Variants in PDE9A observed in about 807,000 individuals in gnomAD.
The protein encoded by PDE9A is phosphodiesterase 9A, also known as high affinity cGMP-specific 3',5'-cyclic phosphodiesterase 9A.
Under a neutral mutation model 87.4 loss-of-function variants are expected in PDE9A, and 60 were observed. That is an observed-to-expected ratio of 0.69 (90% CI 0.56 to 0.85). PDE9A has a LOEUF of 0.85. Ranked by LOEUF, PDE9A falls within the 40% of genes least tolerant of loss-of-function variation. The probability of loss-of-function intolerance (pLI) is 0.00; values close to 1 mark genes in which losing one functional copy is unlikely to be tolerated. For synonymous variants in PDE9A, 272 were observed against 279.4 expected (o/e 0.97, Z 0.27); for missense variants, 665 against 779.0 (o/e 0.85, Z 1.74).
At chr21:42,685,957 G>A (rs1227965128) in intron 1 of PDE9A, among the ~76,000 whole-genome samples, 2 of 152,178 alleles carry the variant, frequency 1.3e-5, no homozygotes, top group Admixed American at 6.5e-5. Context: ...GGGCAAGGGG[G>A]CATCGCTGTA....
At chr21:42,773,919 ACG>A (rs1356859942) in intron 19 of PDE9A, among the ~76,000 whole-genome samples, 1 of 150,858 alleles carries the variant, frequency 6.6e-6, no homozygotes, top group East Asian at 2.0e-4. Context: ...CCTGGCTAAC[ACG>A]GTGAAACCCT....
chr21:42,673,183 T>C (rs952335906), intron 1 of PDE9A, among the ~76,000 whole-genome samples: 3 of 152,164 alleles, frequency 2.0e-5, no homozygotes, highest in African/African-American at 2.4e-5. Flanking sequence ...TTAAGAAATC[T>C]TCCCTGGGTC....
At chr21:42,662,568 C>T (rs901372205) in intron 1 of PDE9A, among the ~76,000 whole-genome samples, 3 of 147,588 alleles carry the variant, frequency 2.0e-5, no homozygotes, top group African/African-American at 7.5e-5. Context: ...CACACAAGCA[C>T]ACCACACACA....
At chr21:42,752,069 T>C (rs946521345) in intron 9 of PDE9A, among the ~76,000 whole-genome samples, 3 of 152,088 alleles carry the variant, frequency 2.0e-5, no homozygotes, top group Non-Finnish European at 2.9e-5. Flanking sequence ...GCTCTCATGC[T>C]AAGATTCAGG....
chr21:42,740,633 A>G (rs148413174), intron 7 of PDE9A, among the ~76,000 whole-genome samples: 8 of 47,152 alleles, frequency 1.7e-4, no homozygotes, highest in African/African-American at 5.5e-4. Flanking sequence ...ATGAATGGAT[A>G]CATAGATGAA....
At chr21:42,708,599 G>C (rs1409728516) in intron 4 of PDE9A, among the ~76,000 whole-genome samples, 1 of 152,180 alleles carries the variant, frequency 6.6e-6, no homozygotes, top group Non-Finnish European at 1.5e-5. Context: ...TTGTTGCCGA[G>C]GCTGGAGTGC....
At chr21:42,714,016 A>AT (rs11403559) in intron 4 of PDE9A, among the ~76,000 whole-genome samples, 47,095 of 89,828 alleles carry the variant, frequency 0.52, 15,525 homozygotes, top group East Asian at 0.89. Flanking sequence ...TTTCATTCCA[A>AT]TTTTTTTTTT....
intron 8 of PDE9A, among the ~76,000 whole-genome samples, chr21:42,746,568 C>G (rs1404653340): frequency 1.3e-5 from 2 of 152,258 alleles, no homozygotes; most frequent in Non-Finnish European, 2.9e-5. Context: ...TCCAGGATGA[C>G]ATCCCCTTAA....
At chr21:42,751,403 C>T (rs544112394) in intron 9 of PDE9A, among the ~76,000 whole-genome samples, 1 of 152,376 alleles carries the variant, frequency 6.6e-6, no homozygotes, top group South Asian at 2.1e-4. Context: ...CCAGACCATA[C>T]CTTCCCCTGC....
At chr21:42,717,115 C>T (rs1749882021) in intron 4 of PDE9A, among the ~76,000 whole-genome samples, 1 of 151,378 alleles carries the variant, frequency 6.6e-6, no homozygotes, top group Admixed American at 6.6e-5. Context: ...AAATAAACTT[C>T]CAGATAGTTT....
chr21:42,730,297 A>G (rs1259526212), intron 4 of PDE9A, among the ~76,000 whole-genome samples: 1 of 152,236 alleles, frequency 6.6e-6, no homozygotes, highest in African/African-American at 2.4e-5. Context: ...TTCAAGAAAT[A>G]TAACAAAACA....
chr21:42,717,983 G>A (rs958347944), intron 4 of PDE9A, among the ~76,000 whole-genome samples: 3 of 151,336 alleles, frequency 2.0e-5, no homozygotes, highest in East Asian at 1.9e-4. Context: ...GCAGTGGTGC[G>A]ATCTCGGCTC....
Position 42,700,507 on chromosome 21 carries a change from G to A in PDE9A, c.262+1496G>A, listed in dbSNP as rs576461107. On this transcript the variant is annotated intron_variant, in intron 4 of 19. Transcript: ENST00000291539. ...TGGGTTTGTCTGACGTTTCTCTCAC[G>A]ACCAGCCTGGGTGTGGTGGGTTTTG... is the stretch of plus-strand genomic sequence containing the variant. 3.7e-3 allele frequency among the ~76,000 whole-genome samples: 560 copies of A among 152,202 alleles called. 5 individuals are homozygous for A. The highest frequency in any genetic ancestry group is 6.4e-3 in the Non-Finnish European group (432 of 68,012).
chr21:42,670,652 CACACACAT>C (rs1203733811), intron 1 of PDE9A, among the ~76,000 whole-genome samples: 77 of 147,194 alleles, frequency 5.2e-4, no homozygotes, highest in Middle Eastern at 3.4e-3. Flanking sequence ...AACTATCATT[CACACACAT>C]ACACACATAC....
At chr21:42,764,600 CAG>C (rs1394322436) in intron 14 of PDE9A, among the ~76,000 whole-genome samples, 1 of 152,254 alleles carries the variant, frequency 6.6e-6, no homozygotes, top group Non-Finnish European at 1.5e-5. Context: ...CCGCTCTGCA[CAG>C]GGGATCGTTC....
intron 4 of PDE9A, among the ~76,000 whole-genome samples, chr21:42,709,548 G>A (rs778231227): frequency 1.3e-5 from 2 of 152,112 alleles, no homozygotes; most frequent in Admixed American, 6.5e-5. Context: ...AAATGTCCCC[G>A]TACCCCCTTC....
intron 8 of PDE9A, among the ~76,000 whole-genome samples, chr21:42,747,990 G>A (rs1046282079): frequency 1.3e-5 from 2 of 152,138 alleles, no homozygotes; most frequent in Non-Finnish European, 2.9e-5. Flanking sequence ...CAGAGAGAGG[G>A]GCTGCCTGGC....
chr21:42,714,481 G>A (rs61005397), intron 4 of PDE9A, among the ~76,000 whole-genome samples: 2 of 152,032 alleles, frequency 1.3e-5, no homozygotes, highest in African/African-American at 4.8e-5. Context: ...ACCAGTCTTT[G>A]TTCATATGGT....
Position 42,704,433 on chromosome 21 carries a change from AACACACAC to A in PDE9A, c.262+5452_262+5459del, listed in dbSNP as rs34581078. Among the ~76,000 whole-genome samples, 39 of 137,114 alleles carry A rather than the reference AACACACAC, an allele frequency of 2.8e-4. No homozygotes were observed. Among genetic ancestry groups the A allele is most frequent in the African/African-American group, 8.3e-4 (30 of 36,346 alleles). 90.0% of individuals were successfully genotyped at this position (137,114 alleles called of 152,430 possible). On this transcript the variant is annotated intron_variant, in intron 4 of 19. Coordinates refer to ENST00000291539, the MANE Select transcript of PDE9A (RefSeq NM_002606.3). This position sits in a 1 kb window ranked among gnomAD's most constrained non-coding sequence, Gnocchi z 5.3. Reference sequence around the variant, plus strand: ...CAGGTAGACCCCCCCCACCCCACCAAACACACACACACACACACACACACACACACACA... The same window carrying A: ...CAGGTAGACCCCCCCCACCCCACCAAACACACACACACACACACACACACA...
Sources: gnomAD v4.1 joint callset for allele counts (sites outside exome capture counted in the v4.1 genomes callset) on GRCh38, gnomAD v4.1.1 for gene constraint, Gnocchi (gnomAD v3.1) non-coding constraint, MANE v1.5 for transcripts, NCBI Gene and HGNC (gene_info 2026-07-23, HGNC 2026-07-21) for gene names.